KIF9: variants seen among roughly 807,000 people sequenced by gnomAD.
KIF9 encodes the protein kinesin family member 9.
A neutral mutation model predicts 94.8 loss-of-function variants in KIF9; 68 were observed. The ratio of observed to expected loss-of-function variants is 0.72; its 90% confidence interval spans 0.59 to 0.88. The LOEUF (loss-of-function observed/expected upper bound fraction) is 0.88, where lower values mean the gene tolerates loss of function less well. Among genes scored for constraint, KIF9 ranks in the 40% least tolerant of loss-of-function variants. The pLI is 0.00. For synonymous variants in KIF9, 343 were observed against 362.1 expected (o/e 0.95, Z 0.60); for missense variants, 882 against 982.5 (o/e 0.90, Z 1.37).
At chr3:47,278,100 C>A (rs1322542997) in intron 1 of KIF9, among the ~76,000 whole-genome samples, 2 of 151,500 alleles carry the variant, frequency 1.3e-5, no homozygotes, top group Non-Finnish European at 2.9e-5. Context: ...GAGACAGAGT[C>A]TCACCCTGTC....
chr3:47,243,412 A>T (rs1344727550), intron 15 of KIF9, 167 bp from the exon 16 acceptor site: 1 of 477,992 alleles, frequency 2.1e-6, no homozygotes, highest in Non-Finnish European at 3.6e-6. Context: ...ATGCTAAGCC[A>T]GGCAGATGTG....
intron 1 of KIF9, among the ~76,000 whole-genome samples, chr3:47,278,595 G>A (rs542558193): frequency 9.0e-4 from 137 of 152,238 alleles, no homozygotes; most frequent in Non-Finnish European, 1.8e-3. Flanking sequence ...TTGGGAGGCC[G>A]AGGTGGGCAG....
Position 47,267,272 on chromosome 3 carries a change from G to A in KIF9, c.592-9C>T, listed in dbSNP as rs753667965. 3.1e-6 allele frequency: 5 copies of A among 1,598,340 alleles called. No individual in the cohort carries two copies. On this transcript the variant is annotated splice_polypyrimidine_tract_variant and intron_variant, in intron 5 of 20. Coordinates refer to ENST00000684063, the MANE Select transcript of KIF9 (RefSeq NM_182902.4). ...ATCCTGTTGGTCTCACCCTGAAGAG[G>A]AAGGGAATCATAGGCAACATTTCGA...
intron 17 of KIF9, chr3:47,239,660 T>A: frequency 9.2e-7 from 1 of 1,088,176 alleles, no homozygotes; most frequent in Non-Finnish European, 1.2e-6. Flanking sequence ...CAATCTTGCC[T>A]CACTACAACC....
intron 9 of KIF9, among the ~76,000 whole-genome samples, chr3:47,259,227 G>A (rs1700810491): frequency 6.6e-6 from 1 of 152,186 alleles, no homozygotes; most frequent in African/African-American, 2.4e-5. Context: ...TTAGTCAAGT[G>A]TCCTCCCCAC....
intron 20 of KIF9, 107 bp from the exon 21 acceptor site, chr3:47,228,809 C>T (rs1468745110): frequency 2.3e-6 from 2 of 870,424 alleles, no homozygotes; most frequent in East Asian, 2.4e-5. Context: ...CTGCAAACAT[C>T]ATGGGTTGTG....
chr3:47,273,165 C>T (rs1172764720), intron 4 of KIF9, among the ~76,000 whole-genome samples: 1 of 152,104 alleles, frequency 6.6e-6, no homozygotes, highest in African/African-American at 2.4e-5. Context: ...CCAGAGTAGG[C>T]CAGTAAGGAA....
At chr3:47,261,229 T>C (rs1700952337) in intron 9 of KIF9, among the ~76,000 whole-genome samples, 1 of 152,058 alleles carries the variant, frequency 6.6e-6, no homozygotes, top group Non-Finnish European at 1.5e-5. Flanking sequence ...ATTTGCAAAA[T>C]AGGTAAAATG....
chr3:47,275,559 T>C (rs766523784), intron 2 of KIF9, 69 bp from the exon 3 acceptor site: 7 of 1,193,956 alleles, frequency 5.9e-6, no homozygotes, highest in Admixed American at 2.0e-5. Flanking sequence ...AAATCACTGA[T>C]AGCTGAGGCC....
intron 3 of KIF9, among the ~76,000 whole-genome samples, chr3:47,274,576 T>A (rs1286368225): frequency 2.0e-5 from 3 of 152,198 alleles, no homozygotes; most frequent in African/African-American, 7.2e-5. Flanking sequence ...CCAGAAATGG[T>A]GTCTATTAAC....
Position 47,275,397 on chromosome 3 carries a change from C to T in KIF9, c.187G>A (p.Asp63Asn), listed in dbSNP as rs141006903. Reference protein sequence around the residue: ...WSFKLDGVLHDASQDLVYETV... With the variant: ...WSFKLDGVLHNASQDLVYETV... ...TCATAAACCAAGTCCTGGGAGGCAT[C>T]GTGAAGAACTCCATCCAACTTAAAC... Residue 63 changes from aspartate to asparagine, a missense_variant, in exon 3 of 21, where the codon GAT (aspartate) becomes AAT (asparagine). Transcript: ENST00000684063. 1,545 of 1,613,770 alleles carry T rather than the reference C, an allele frequency of 9.6e-4. 15 individuals are homozygous for T. The African/African-American group carries it at 0.018, about 19-fold the overall frequency.
At chr3:47,252,659 C>T (rs559470048) in intron 10 of KIF9, among the ~76,000 whole-genome samples, 30 of 152,090 alleles carry the variant, frequency 2.0e-4, no homozygotes, top group Middle Eastern at 3.4e-3. Context: ...GTACAACGTC[C>T]ACCCAGCCAG....
chr3:47,240,962 T>C lies in KIF9; in HGVS notation c.1763A>G (p.Gln588Arg), dbSNP rs754647111. ...GAAAATTCGGTTGATCTCACTACCT[T>C]GCTCATTCTTAAACTCCTCAAAGGC... ...PVAFEEFKNE[Q>R]GSEINRIFKE... The change falls in exon 17 of 21, where the codon CAA (glutamine) becomes CGA (arginine). Residue 588 changes from glutamine to arginine, a missense_variant. Coordinates refer to ENST00000684063, the MANE Select transcript of KIF9 (RefSeq NM_182902.4). The C allele has an allele frequency of 9.3e-6, 15 of 1,614,078 alleles. No individual in the cohort carries two copies. Among genetic ancestry groups the C allele is most frequent in the Non-Finnish European group, 1.3e-5 (15 of 1,180,048 alleles).
In KIF9 at chr3:47,262,276, T is replaced by G. The variant is rs185790221; in HGVS notation, c.981+2010A>C. 4.1e-3 allele frequency among the ~76,000 whole-genome samples: 620 copies of G among 150,200 alleles called. 6 individuals are homozygous for G. The highest frequency in any genetic ancestry group is 3.8e-3 in the Non-Finnish European group (257 of 67,436). On this transcript the variant is annotated intron_variant, in intron 9 of 20. Coordinates refer to ENST00000684063, the MANE Select transcript of KIF9 (RefSeq NM_182902.4). ...GTTCAACCATGCGGGGTTTTTTTGT[T>G]TTTTTTTTTTCTTTTCTTTTGAGAT...
rs946525732 is a variant in KIF9 at position 47,271,326 on chromosome 3, T to G, written c.502A>C (p.Ile168Leu). ...AAGACTCCTTGAGGGTTTTCCACGA[T>G]GGTCATTGGTGTGACTGAGGGTCCA... ...YVGPSVTPMTIVENPQGVFIK... is the reference protein window; with the variant it reads ...YVGPSVTPMTLVENPQGVFIK... Residue 168 changes from isoleucine (I) to leucine (L), a missense_variant, in exon 5 of 21, where the codon ATC becomes CTC. Physicochemically the swap from Ile to Leu is conservative, Grantham distance 5. Coordinates refer to ENST00000684063, the MANE Select transcript of KIF9 (RefSeq NM_182902.4). 1 of 1,613,908 alleles carries G rather than the reference T, an allele frequency of 6.2e-7. No homozygotes were observed. Among genetic ancestry groups the G allele is most frequent in the Non-Finnish European group, 8.5e-7 (1 of 1,179,996 alleles).
At chr3:47,270,021 G>A (rs781446314) in intron 5 of KIF9, among the ~76,000 whole-genome samples, 1 of 151,742 alleles carries the variant, frequency 6.6e-6, no homozygotes, top group African/African-American at 2.4e-5. Context: ...GCCTGCCTCC[G>A]CCTCCCAAAG....
At chr3:47,277,653 C>A in intron 1 of KIF9, among the ~76,000 whole-genome samples, 1 of 152,146 alleles carries the variant, frequency 6.6e-6, no homozygotes, top group East Asian at 1.9e-4. Context: ...GAAAAGAATG[C>A]TTCCTTTAGT....
At position 47,273,557 on chromosome 3, in the gene KIF9, G is replaced by A. The variant is rs771963540; in HGVS notation, c.361C>T (p.Gln121Ter). Residue 121 changes from glutamine to a stop codon, truncating the protein, a stop_gained, in exon 4 of 21, where the codon CAG (glutamine) becomes TAG (stop). Transcript: ENST00000684063. LOFTEE classifies it high-confidence loss of function. ...KHRGILPRAL[Q>*]QVFRMIEERP... ...CCCTTGGGCCCACTCTCTACCTGCTGCAGGGCACGAGGGAGGATCCCCCGG... is the reference window on the plus strand; with the variant it reads ...CCCTTGGGCCCACTCTCTACCTGCTACAGGGCACGAGGGAGGATCCCCCGG... The A allele has an allele frequency of 1.2e-6, 2 of 1,600,918 alleles. No individual in the cohort carries two copies. The highest frequency in any genetic ancestry group is 1.3e-5 in the African/African-American group (1 of 74,752).
chr3:47,247,376 G>C lies in KIF9; in HGVS notation c.1230C>G (p.Ile410Met). ...TGGTCACAGAGGGGTTCCTTACGTCGATCTCGTCCAGTGTCCCCTCCAGGT... is the reference window on the plus strand; with the variant it reads ...TGGTCACAGAGGGGTTCCTTACGTCCATCTCGTCCAGTGTCCCCTCCAGGT... ...RRYLEGTLDE[I>M]DIISLRQIKE... The change falls in exon 12 of 21, where the codon ATC (isoleucine) becomes ATG (methionine). Residue 410 changes from isoleucine to methionine, a missense_variant. Transcript: ENST00000684063. 1 of 1,610,110 alleles carries C rather than the reference G, an allele frequency of 6.2e-7. No individual in the cohort carries two copies. Among genetic ancestry groups the C allele is most frequent in the Non-Finnish European group, 8.5e-7 (1 of 1,176,494 alleles).
Sources: allele counts gnomAD v4.1 joint callset (sites outside exome capture counted in the v4.1 genomes callset), GRCh38; gene constraint gnomAD v4.1.1; transcripts MANE v1.5; gene names NCBI Gene and HGNC (gene_info 2026-07-23, HGNC 2026-07-21).